The following SNW1 variants were observed in gnomAD, a reference collection of about 807,000 sequenced individuals.
SNW1 encodes the protein SNW domain containing 1.
Under a neutral mutation model 75.6 loss-of-function variants are expected in SNW1, and 9 were observed. The ratio of observed to expected loss-of-function variants is 0.12; its 90% CI spans 0.07 to 0.21. The LOEUF (loss-of-function observed/expected upper bound fraction) is 0.21. SNW1 is among the 10% of genes least tolerant of loss of function. SNW1 has a pLI of 1.00. For synonymous variants in SNW1, 200 were observed against 219.1 expected (o/e 0.91, Z 0.77); for missense variants, 409 against 670.9 (o/e 0.61, Z 4.31).
Position 77,717,664 on chromosome 14 carries a change from C to A in SNW1, c.*424G>T. 8.6e-7 allele frequency: 1 copy of A among 1,157,134 alleles called. No homozygotes were observed. Among genetic ancestry groups the A allele is most frequent in the Non-Finnish European group, 1.2e-6 (1 of 801,416 alleles). The allele number at this position is 1,157,134 out of a possible 1,614,324, so 71.7% of individuals were successfully genotyped here. ...AAGCAAGAGGTTACTTTGCCCACTC[C>A]AAATTAAAACAGAGCACAATAGGGG... On this transcript the variant is annotated 3_prime_UTR_variant, in exon 14 of 14. Coordinates refer to ENST00000261531, the MANE Select transcript of SNW1 (RefSeq NM_012245.3).
intron 3 of SNW1, among the ~76,000 whole-genome samples, chr14:77,742,237 T>G (rs1187309468): frequency 6.6e-6 from 1 of 152,002 alleles, no homozygotes; most frequent in Non-Finnish European, 1.5e-5. Context: ...GGTTTCACCA[T>G]GTTGGCCAGG....
In SNW1 at chr14:77,731,507, G is replaced by A. The variant is rs190165997; in HGVS notation, c.892-378C>T. On this transcript the variant is annotated intron_variant, in intron 9 of 13. Transcript: ENST00000261531. Reference sequence around the variant, plus strand: ...AGGACTGCTTGAGCTCAGGAGCTTGGGACCAGCCTAGGCAACATAGTGAGA... The same window carrying A: ...AGGACTGCTTGAGCTCAGGAGCTTGAGACCAGCCTAGGCAACATAGTGAGA... 1.2e-4 allele frequency among the ~76,000 whole-genome samples: 19 copies of A among 152,170 alleles called. 1 individual carries two copies. Among genetic ancestry groups the A allele is most frequent in the African/African-American group, 2.6e-4 (11 of 41,536 alleles).
intron 2 of SNW1, among the ~76,000 whole-genome samples, chr14:77,754,021 A>T (rs2080826518): frequency 6.6e-6 from 1 of 151,924 alleles, no homozygotes; most frequent in Non-Finnish European, 1.5e-5. Flanking sequence ...AGGTGCTGCC[A>T]AGGAAGCTTG....
intron 8 of SNW1, chr14:77,733,908 T>C (rs978197892): frequency 6.8e-6 from 3 of 439,762 alleles, no homozygotes; most frequent in Admixed American, 2.5e-5. Context: ...TCCAGATATC[T>C]GACTAGTCTC....
chr14:77,722,371 T>C, intron 11 of SNW1: 1 of 349,288 alleles, frequency 2.9e-6, no homozygotes, highest in Non-Finnish European at 5.6e-6. Context: ...TTCTGAACTG[T>C]AAGTTAAACT....
Position 77,718,528 on chromosome 14 carries a change from A to G in SNW1, c.1251T>C (p.Gly417=), listed in dbSNP as rs1261063657. The G allele has an allele frequency of 5.1e-6, 8 of 1,565,738 alleles. No individual in the cohort carries two copies. In the Admixed American group the frequency reaches 5.8e-5, roughly 11 times the overall value. ...YDQRLFNQSK[G]MDSGFAGGED... is the part of the protein sequence containing the mutation. The stretch of plus-strand genomic sequence containing the variant: ...CTCCACCTGCAAATCCACTGTCCAT[A>G]CCCTGTGGAAAAATGGATGACATTA... The change falls in exon 13 of 14, where the codon GGT becomes GGC. Residue 417 remains glycine, a splice_region_variant and synonymous_variant. Coordinates refer to ENST00000261531, the MANE Select transcript of SNW1 (RefSeq NM_012245.3).
chr14:77,717,648 G>C lies in SNW1; in HGVS notation c.*440C>G. 13 of 1,340,790 alleles carry C rather than the reference G, an allele frequency of 9.7e-6. No individual in the cohort carries two copies. Among genetic ancestry groups the C allele is most frequent in the African/African-American group, 1.5e-5 (1 of 68,594 alleles). 83.1% of individuals were successfully genotyped at this position (1,340,790 alleles called of 1,614,324 possible). A position where few individuals can be genotyped will look rare whatever the true frequency, so the allele number is the denominator to read the frequency against. On this transcript the variant is annotated 3_prime_UTR_variant, in exon 14 of 14. Coordinates refer to ENST00000261531, the MANE Select transcript of SNW1 (RefSeq NM_012245.3). ...AACAAATAGTTGCACCAAGCAAGAG[G>C]TTACTTTGCCCACTCCAAATTAAAA...
intron 9 of SNW1, 78 bp downstream of exon 9, chr14:77,732,407 T>G (rs2080634683): frequency 1.2e-6 from 1 of 839,572 alleles, no homozygotes; most frequent in Non-Finnish European, 2.0e-6. Context: ...GTACTATAGT[T>G]AAATTATCAG....
chr14:77,718,724 T>C (rs534821161), intron 12 of SNW1, among the ~76,000 whole-genome samples, 194 bp from the exon 13 acceptor site: 6 of 152,036 alleles, frequency 3.9e-5, no homozygotes, highest in Admixed American at 3.9e-4. Context: ...TTTTTTTTTT[T>C]TTTTTCAGAC....
intron 10 of SNW1, among the ~76,000 whole-genome samples, chr14:77,725,616 A>G (rs1439465669): frequency 6.6e-6 from 1 of 152,198 alleles, no homozygotes; most frequent in African/African-American, 2.4e-5. Context: ...TTTGGGCATC[A>G]GCGTTAAAAA....
chr14:77,737,225 C>G (rs770954282), intron 5 of SNW1, 150 bp from the exon 6 acceptor site: 3 of 582,620 alleles, frequency 5.1e-6, no homozygotes, highest in Non-Finnish European at 9.2e-6. Context: ...ACAAAGCAGA[C>G]AGCAAGAGGG....
At chr14:77,720,961 T>C in intron 11 of SNW1, 133 bp from the exon 12 acceptor site, 1 of 677,584 alleles carries the variant, frequency 1.5e-6, no homozygotes, top group East Asian at 2.5e-5. Context: ...CATATATTCC[T>C]TGATGATACA....
At chr14:77,722,700 T>TC in intron 11 of SNW1, 1 of 361,358 alleles carries the variant, frequency 2.8e-6, no homozygotes, top group Non-Finnish European at 5.4e-6. Flanking sequence ...ACAAAGTAGT[T>TC]AAGTACAAGA....
chr14:77,718,014 CAA>C lies in SNW1; in HGVS notation c.*72_*73del. 1 of 1,387,400 alleles carries C rather than the reference CAA, an allele frequency of 7.2e-7. No homozygotes were observed. The allele number at this position is 1,387,400 out of a possible 1,614,324, so 85.9% of individuals were successfully genotyped here. ...ATTTGGTTTTTATCCTGACCATTTA[CAA>C]AGTGTTCCCCCATATGACTTGCATC... On this transcript the variant is annotated 3_prime_UTR_variant, in exon 14 of 14. Transcript: ENST00000261531.
chr14:77,736,149 C>T, intron 6 of SNW1, 143 bp from the exon 7 acceptor site: 2 of 572,722 alleles, frequency 3.5e-6, no homozygotes, highest in Non-Finnish European at 6.2e-6. Context: ...TTTACCACTC[C>T]ACTTTGACAA....
Position 77,718,455 on chromosome 14 carries a change from C to T in SNW1, c.1324G>A (p.Asp442Asn), listed in dbSNP as rs1414561241. The T allele has an allele frequency of 3.1e-6, 5 of 1,613,954 alleles. No individual in the cohort carries two copies. The highest frequency in any genetic ancestry group is 4.2e-6 in the Non-Finnish European group (5 of 1,179,940). ...GGCCTATAAATACTCTGGGCCATAT[C>T]TTTACCACCTCTCCAGGCTTGATCA... ...VYDQAWRGGK[D>N]MAQSIYRPSK... The change falls in exon 13 of 14, where the codon GAT becomes AAT. Residue 442 changes from aspartate to asparagine, a missense_variant. Physicochemically the swap from Asp to Asn is conservative, Grantham distance 23. Transcript: ENST00000261531.
rs2080833092 is a variant in SNW1, at chr14:77,754,978, G to A, written c.157C>T (p.Arg53Trp). Reference protein sequence around the residue: ...PYGYRKGWIPRLLEDFGDGGA... With the variant: ...PYGYRKGWIPWLLEDFGDGGA... ...AGATCTATATGTACCTCTAATAACC[G>A]AGGTATCCAGCCTTTCCGGTATCCG... Residue 53 changes from arginine to tryptophan, a missense_variant, in exon 2 of 14, where the codon CGG (arginine) becomes TGG (tryptophan). Arg to Trp is a moderately radical substitution (Grantham distance 101). Transcript: ENST00000261531. 9 of 1,598,954 alleles carry A rather than the reference G, an allele frequency of 5.6e-6. No individual in the cohort carries two copies. Among genetic ancestry groups the A allele is most frequent in the Admixed American group, 1.7e-5 (1 of 57,902 alleles).
At chr14:77,730,500 G>T (rs562964595) in intron 10 of SNW1, among the ~76,000 whole-genome samples, 1 of 152,054 alleles carries the variant, frequency 6.6e-6, no homozygotes, top group East Asian at 1.9e-4. Context: ...TTATACTTAG[G>T]ACTCGACTTC....
rs561808693 is a variant in SNW1 at position 77,720,164 on chromosome 14, C to G, written c.1248+547G>C. Among the ~76,000 whole-genome samples the G allele has an allele frequency of 7.2e-5, 11 of 152,298 alleles. No individual in the cohort carries two copies. In the South Asian group the frequency reaches 1.9e-3, roughly 26 times the overall value. On this transcript the variant is annotated intron_variant, in intron 12 of 13. Coordinates refer to ENST00000261531, the MANE Select transcript of SNW1 (RefSeq NM_012245.3). ...AAGAGGCACTTTTGTAGGACACTGACTCTTTTATTTTTTTGAGATAGAGTC... is the reference window on the plus strand; with the variant it reads ...AAGAGGCACTTTTGTAGGACACTGAGTCTTTTATTTTTTTGAGATAGAGTC...
Sources: allele counts gnomAD v4.1 joint callset (sites outside exome capture counted in the v4.1 genomes callset), GRCh38; gene constraint gnomAD v4.1.1; transcripts MANE v1.5; gene names NCBI Gene and HGNC (gene_info 2026-07-23, HGNC 2026-07-21).